The following WDR70 variants were observed in gnomAD, a reference collection of about 807,000 sequenced individuals.
WDR70 encodes the protein WD repeat-containing protein 70.
Under a neutral mutation model 88.6 loss-of-function variants are expected in WDR70, and 53 were observed. That is an observed-to-expected ratio of 0.60 (90% CI 0.48 to 0.75). WDR70 has a LOEUF of 0.75. Ranked by LOEUF, WDR70 falls within the 30% of genes least tolerant of loss-of-function variation. The pLI is 0.00. For missense variants in WDR70, 610 were observed against 823.2 expected, an observed-to-expected ratio of 0.74 and a Z score of 3.17; for synonymous variants, 280 against 270.0, an observed-to-expected ratio of 1.04 and a Z score of -0.36.
intron 10 of WDR70, among the ~76,000 whole-genome samples, chr5:37,644,235 G>A (rs1745177430): frequency 1.7e-5 from 2 of 118,962 alleles, no homozygotes; most frequent in Admixed American, 1.7e-4. Context: ...AGCACCAGTT[G>A]AAATGATCAT....
intron 17 of WDR70, among the ~76,000 whole-genome samples, chr5:37,740,442 G>A (rs1748441193): frequency 6.6e-6 from 1 of 152,218 alleles, no homozygotes; most frequent in African/African-American, 2.4e-5. Flanking sequence ...CCTTAGGCTT[G>A]GTAGAGATGT....
Position 37,582,398 on chromosome 5 carries a change from A to G in WDR70, c.918-22666A>G, listed in dbSNP as rs532588812. The stretch of plus-strand genomic sequence containing the variant: ...CGAAGTCCCTGTATCAGATTTCCCT[A>G]TATCAGCAATATAACATAAGAATGC... On this transcript the variant is annotated intron_variant, in intron 9 of 17. Transcript: ENST00000265107. Among the ~76,000 whole-genome samples, 6 of 152,340 alleles carry G rather than the reference A, an allele frequency of 3.9e-5. No homozygotes were observed. In the South Asian group the frequency reaches 6.2e-4, roughly 16 times the overall value.
At chr5:37,743,708 A>G (rs1419644767) in intron 17 of WDR70, among the ~76,000 whole-genome samples, 1 of 152,166 alleles carries the variant, frequency 6.6e-6, no homozygotes, top group Non-Finnish European at 1.5e-5. Context: ...CTCAGTGGTC[A>G]TGGCTTCCCT....
chr5:37,502,167 T>C (rs1740422303), intron 8 of WDR70, among the ~76,000 whole-genome samples: 1 of 152,190 alleles, frequency 6.6e-6, no homozygotes, highest in African/African-American at 2.4e-5. Context: ...TTAAGTATAC[T>C]GCTAGGTTTC....
At chr5:37,487,051 T>C (rs1739896107) in intron 8 of WDR70, among the ~76,000 whole-genome samples, 2 of 152,190 alleles carry the variant, frequency 1.3e-5, no homozygotes, top group Admixed American at 6.5e-5. Context: ...ATTAGGAAAG[T>C]AGGACAAGAA....
chr5:37,559,440 T>C (rs1047761511), intron 9 of WDR70, among the ~76,000 whole-genome samples: 1 of 152,180 alleles, frequency 6.6e-6, no homozygotes, highest in Non-Finnish European at 1.5e-5. Flanking sequence ...TCCTCCTCCT[T>C]CATCTCACTT....
chr5:37,739,315 T>C (rs1222508784), intron 17 of WDR70, among the ~76,000 whole-genome samples: 2 of 152,236 alleles, frequency 1.3e-5, no homozygotes, highest in Admixed American at 6.5e-5. Flanking sequence ...TATATTTGGC[T>C]GAATGGAATG....
chr5:37,479,809 C>T (rs1561868207), intron 7 of WDR70, 25 bp from the exon 8 acceptor site: 1 of 1,595,078 alleles, frequency 6.3e-7, no homozygotes, highest in South Asian at 1.1e-5. Flanking sequence ...AGTATCTTAC[C>T]AACTTTCCTT....
Position 37,400,096 on chromosome 5 carries a change from C to A in WDR70, c.492+3526C>A, listed in dbSNP as rs552027710. 4.6e-5 allele frequency among the ~76,000 whole-genome samples: 7 copies of A among 152,092 alleles called. No homozygotes were observed. In the East Asian group the frequency reaches 1.4e-3, roughly 29 times the overall value. ...TACAGGCATCTGCCACCACGCCTGG[C>A]TAATTTTTTGTATTTTTAGTAGTGA... is the stretch of plus-strand genomic sequence containing the variant. On this transcript the variant is annotated intron_variant, in intron 5 of 17. Transcript: ENST00000265107.
intron 17 of WDR70, among the ~76,000 whole-genome samples, chr5:37,740,231 T>C (rs557195966): frequency 6.6e-6 from 1 of 152,204 alleles, no homozygotes; most frequent in Non-Finnish European, 1.5e-5. Flanking sequence ...GATAAAGTGG[T>C]GACTAAAGAA....
At chr5:37,400,689 T>C (rs1749165344) in intron 5 of WDR70, among the ~76,000 whole-genome samples, 1 of 152,316 alleles carries the variant, frequency 6.6e-6, no homozygotes, top group Middle Eastern at 3.4e-3. Flanking sequence ...TACATCTCTA[T>C]TGTTTTAAGT....
At chr5:37,434,611 T>G (rs956364338) in intron 5 of WDR70, among the ~76,000 whole-genome samples, 14 of 152,168 alleles carry the variant, frequency 9.2e-5, no homozygotes, top group Admixed American at 2.0e-4. Flanking sequence ...TGTTTCTGAT[T>G]TGTAAGTCAT....
At chr5:37,428,811 A>T (rs1317073764) in intron 5 of WDR70, among the ~76,000 whole-genome samples, 1 of 152,202 alleles carries the variant, frequency 6.6e-6, no homozygotes, top group African/African-American at 2.4e-5. Flanking sequence ...GTATATTTAT[A>T]AGAAACTAGC....
intron 5 of WDR70, among the ~76,000 whole-genome samples, chr5:37,416,440 G>T (rs539398857): frequency 1.3e-5 from 2 of 152,234 alleles, no homozygotes; most frequent in East Asian, 1.9e-4. Context: ...GGAGGTTGCA[G>T]TGAGCCGAGA....
chr5:37,490,407 T>C (rs772418646), intron 8 of WDR70, among the ~76,000 whole-genome samples: 6 of 151,664 alleles, frequency 4.0e-5, no homozygotes, highest in Non-Finnish European at 5.9e-5. Context: ...GTGAGGGAGA[T>C]TGATGCCAGT....
At chr5:37,717,141 G>T (rs1747675774) in intron 13 of WDR70, among the ~76,000 whole-genome samples, 2 of 152,180 alleles carry the variant, frequency 1.3e-5, no homozygotes, top group Non-Finnish European at 2.9e-5. Flanking sequence ...TGGTTTAAAA[G>T]AATAAGCTTC....
intron 17 of WDR70, among the ~76,000 whole-genome samples, chr5:37,744,252 C>T (rs1473028176): frequency 2.6e-5 from 4 of 151,968 alleles, no homozygotes; most frequent in Non-Finnish European, 5.9e-5. Flanking sequence ...ACAAAAAGGC[C>T]CCACAAAAAC....
In WDR70 at chr5:37,692,018, G is replaced by A. The variant is rs555879947; in HGVS notation, c.1093-5637G>A. 2.2e-4 allele frequency among the ~76,000 whole-genome samples: 34 copies of A among 152,196 alleles called. No individual in the cohort carries two copies. In the East Asian group the frequency reaches 6.0e-3, roughly 27 times the overall value. The stretch of plus-strand genomic sequence containing the variant: ...AATAGACACAATAAAAAATGATAAA[G>A]GGGATATCACCACCGATCCCACAGA... On this transcript the variant is annotated intron_variant, in intron 10 of 17. Coordinates refer to ENST00000265107, the MANE Select transcript of WDR70 (RefSeq NM_018034.4).
intron 15 of WDR70, 127 bp from the exon 16 acceptor site, chr5:37,724,807 T>C: frequency 2.1e-6 from 2 of 962,730 alleles, no homozygotes; most frequent in Non-Finnish European, 3.2e-6. Context: ...TAAGACTGTC[T>C]TTTATTATCA....
Sources: allele counts gnomAD v4.1 joint callset (sites outside exome capture counted in the v4.1 genomes callset), GRCh38; gene constraint gnomAD v4.1.1; transcripts MANE v1.5; gene names NCBI Gene and HGNC (gene_info 2026-07-23, HGNC 2026-07-21).